MGAT4D: variants seen among roughly 807,000 people sequenced by gnomAD.
The protein encoded by MGAT4D is MGAT4 family member D, also known as alpha-1,3-mannosyl-glycoprotein 4-beta-N-acetylglucosaminyltransferase-like protein MGAT4D.
Under a neutral mutation model 15.9 loss-of-function variants are expected in MGAT4D, and 34 were observed. That is an observed-to-expected ratio of 2.14 (90% CI 1.62 to 2.84). The LOEUF is 2.84. MGAT4D is among the 30% of genes most tolerant of loss of function. MGAT4D has a pLI of 0.00. For synonymous variants in MGAT4D, 112 were observed against 48.2 expected (o/e 2.33, Z -5.49); for missense variants, 327 against 140.2 (o/e 2.33, Z -6.73).
At chr4:140,452,094 A>G (rs966490029) in intron 9 of MGAT4D, among the ~76,000 whole-genome samples, 8 of 151,938 alleles carry the variant, frequency 5.3e-5, no homozygotes, top group African/African-American at 1.9e-4. Context: ...TAATCTCAGC[A>G]CTTTGAGAGG....
chr4:140,452,028 G>A (rs1730506542), intron 9 of MGAT4D, among the ~76,000 whole-genome samples: 1 of 150,662 alleles, frequency 6.6e-6, no homozygotes, highest in Non-Finnish European at 1.5e-5. Flanking sequence ...ATGACCTATG[G>A]CACCACTCCT....
At chr4:140,482,523 C>A (rs1458885153) in intron 1 of MGAT4D, 38 bp from the exon 2 acceptor site, 1 of 569,668 alleles carries the variant, frequency 1.8e-6, no homozygotes, top group South Asian at 2.3e-5. Context: ...GTACATGTAG[C>A]AATGGTGTCA....
At chr4:140,486,393 G>T (rs1733133463) in intron 1 of MGAT4D, among the ~76,000 whole-genome samples, 1 of 152,018 alleles carries the variant, frequency 6.6e-6, no homozygotes, top group African/African-American at 2.4e-5. Flanking sequence ...TGGGGTACAT[G>T]TGCAGAATGT....
intron 2 of MGAT4D, among the ~76,000 whole-genome samples, chr4:140,480,451 T>C (rs529694190): frequency 6.6e-6 from 1 of 151,762 alleles, no homozygotes; most frequent in South Asian, 2.1e-4. Flanking sequence ...AATATAACAA[T>C]ACAAAAAACA....
chr4:140,443,466 TA>T, intron 10 of MGAT4D, 22 bp from the exon 11 acceptor site: 1 of 534,902 alleles, frequency 1.9e-6, no homozygotes, highest in East Asian at 3.5e-5. Flanking sequence ...ACAAAAAATG[TA>T]ACATCTAGAA....
chr4:140,464,897 T>C lies in MGAT4D; in HGVS notation c.685A>G (p.Ser229Gly). 1 of 702,486 alleles carries C rather than the reference T, an allele frequency of 1.4e-6. No homozygotes were observed. The allele number at this position is 702,486 out of a possible 1,614,324, so 43.5% of individuals were successfully genotyped here. Reference protein sequence around the residue: ...HLAEASQKLASWRIKQVLDFC... With the variant: ...HLAEASQKLAGWRIKQVLDFC... ...CTACTATTTTCTAATATGACATACC[T>C]GGCTAATTTTTGTGAGGCCTCAGCT... Residue 229 changes from serine to glycine, a missense_variant and splice_region_variant, in exon 6 of 11, where the codon AGT (serine) becomes GGT (glycine). By Grantham distance (56) the Ser-to-Gly change is moderately conservative. Coordinates refer to ENST00000511113, the MANE Select transcript of MGAT4D (RefSeq NM_001277353.2).
chr4:140,456,030 A>G (rs1730774041), intron 9 of MGAT4D, among the ~76,000 whole-genome samples: 1 of 152,036 alleles, frequency 6.6e-6, no homozygotes, highest in South Asian at 2.1e-4. Context: ...CCAGTTACTG[A>G]GGAGGCTGAG....
intron 10 of MGAT4D, among the ~76,000 whole-genome samples, chr4:140,443,997 C>A (rs1729930815): frequency 6.6e-6 from 1 of 152,062 alleles, no homozygotes; most frequent in South Asian, 2.1e-4. Flanking sequence ...AAACCCCACA[C>A]AAAACCAAAT....
intron 10 of MGAT4D, among the ~76,000 whole-genome samples, chr4:140,446,482 G>A: frequency 6.6e-6 from 1 of 152,016 alleles, no homozygotes; most frequent in Middle Eastern, 3.2e-3. Flanking sequence ...GTCTCTTATG[G>A]TTATTTGTAT....
At chr4:140,466,711 T>A (rs182432582) in intron 5 of MGAT4D, among the ~76,000 whole-genome samples, 1 of 152,240 alleles carries the variant, frequency 6.6e-6, no homozygotes, top group East Asian at 1.9e-4. Flanking sequence ...TTTCCCATTG[T>A]TTGTTAATAT....
chr4:140,456,081 T>C (rs895727050), intron 9 of MGAT4D, among the ~76,000 whole-genome samples: 1 of 152,152 alleles, frequency 6.6e-6, no homozygotes, highest in African/African-American at 2.4e-5. Flanking sequence ...GAGGCTGCAG[T>C]GAGCTGTGAT....
intron 1 of MGAT4D, among the ~76,000 whole-genome samples, chr4:140,482,690 GGAAA>G (rs1439743246): frequency 6.6e-6 from 1 of 151,870 alleles, no homozygotes; most frequent in Non-Finnish European, 1.5e-5. Context: ...ATAAAAGACT[GGAAA>G]GAAAGAACAA....
chr4:140,464,893 T>A lies in MGAT4D; in HGVS notation c.686+3A>T. ...AAGGCTACTATTTTCTAATATGACA[T>A]ACCTGGCTAATTTTTGTGAGGCCTC... is the stretch of plus-strand genomic sequence containing the variant. On this transcript the variant is annotated splice_donor_region_variant and intron_variant, in intron 6 of 10. Transcript: ENST00000511113. The A allele has an allele frequency of 1.4e-6, 1 of 702,322 alleles. No homozygotes were observed. 43.5% of individuals were successfully genotyped at this position (702,322 alleles called of 1,614,324 possible).
chr4:140,478,137 T>C (rs1300683297), intron 3 of MGAT4D, among the ~76,000 whole-genome samples: 1 of 152,142 alleles, frequency 6.6e-6, no homozygotes, highest in Admixed American at 6.6e-5. Context: ...GAAGGATAAA[T>C]ACGTACACCA....
chr4:140,449,840 A>C (rs746147776), intron 10 of MGAT4D: 2 of 171,706 alleles, frequency 1.2e-5, no homozygotes, highest in Non-Finnish European at 2.5e-5. Flanking sequence ...TTTTTTAAAA[A>C]GACTTAAAGA....
intron 10 of MGAT4D, among the ~76,000 whole-genome samples, chr4:140,446,552 TTTCTC>T (rs759238174): frequency 2.4e-4 from 36 of 151,952 alleles, no homozygotes; most frequent in Middle Eastern, 3.2e-3. Flanking sequence ...ATTTGAATCT[TTTCTC>T]TTTTCTTCAT....
chr4:140,497,000 A>C (rs1312608835), intron 1 of MGAT4D, among the ~76,000 whole-genome samples: 6 of 152,230 alleles, frequency 3.9e-5, no homozygotes, highest in African/African-American at 7.2e-5. Flanking sequence ...AATGACTATA[A>C]AGATTAGTAG....
rs1731208533 is a variant in MGAT4D at position 140,461,913 on chromosome 4, A to ACC, written c.762+15_762+16insGG. On this transcript the variant is annotated intron_variant, in intron 7 of 10. Coordinates refer to ENST00000511113, the MANE Select transcript of MGAT4D (RefSeq NM_001277353.2). ...CACACACACACACACACACACACACACACACAATTTCTGACCTGTAAATAA... is the reference window on the plus strand; with the variant it reads ...CACACACACACACACACACACACACACCCACACAATTTCTGACCTGTAAATAA... 1.4e-6 allele frequency: 1 copy of ACC among 696,254 alleles called. No individual in the cohort carries two copies. The highest frequency in any genetic ancestry group is 2.0e-5 in the Admixed American group (1 of 49,736). 43.1% of individuals were successfully genotyped at this position (696,254 alleles called of 1,614,324 possible).
chr4:140,470,005 GGCGGTCGAA>G (rs1419002643), intron 5 of MGAT4D, among the ~76,000 whole-genome samples: 20 of 152,380 alleles, frequency 1.3e-4, no homozygotes, highest in African/African-American at 4.6e-4. Flanking sequence ...GAGCCTGGAA[GGCGGTCGAA>G]GCCAAGGATG....
Sources: gnomAD v4.1 joint callset for allele counts (sites outside exome capture counted in the v4.1 genomes callset) on GRCh38, gnomAD v4.1.1 for gene constraint, MANE v1.5 for transcripts, NCBI Gene and HGNC (gene_info 2026-07-23, HGNC 2026-07-21) for gene names.